TNFRSF19: variants seen among roughly 807,000 people sequenced by gnomAD.
The protein encoded by TNFRSF19 is TNF receptor superfamily member 19, also known as tumor necrosis factor receptor superfamily member 19.
A neutral mutation model predicts 46.4 loss-of-function variants in TNFRSF19; 27 were observed. The observed-to-expected ratio is 0.58, with a 90% CI of 0.43 to 0.80. TNFRSF19 has a LOEUF of 0.80. TNFRSF19 is among the 30% of genes least tolerant of loss of function. The pLI is 0.00. For missense variants in TNFRSF19, 511 were observed against 530.8 expected (o/e 0.96, Z 0.37); for synonymous variants, 204 against 205.0 (o/e 1.00, Z 0.04).
At chr13:23,637,407 TAA>T (rs1321545669) in intron 5 of TNFRSF19, among the ~76,000 whole-genome samples, 6 of 152,256 alleles carry the variant, frequency 3.9e-5, no homozygotes, top group African/African-American at 1.4e-4. Context: ...CTAGTGATTG[TAA>T]AAGAGGCAGT....
chr13:23,627,463 T>C lies in TNFRSF19; in HGVS notation c.445+671T>C, dbSNP rs183928347. On this transcript the variant is annotated intron_variant, in intron 5 of 9. Coordinates refer to ENST00000248484, the MANE Select transcript of TNFRSF19 (RefSeq NM_148957.4). ...TTCAAGTTATCAACCAGCATCAATT[T>C]TGAATAGGAAGAAGAGTGGCCTCTC... is the stretch of plus-strand genomic sequence containing the variant. Among the ~76,000 whole-genome samples, 19 of 152,358 alleles carry C rather than the reference T, an allele frequency of 1.2e-4. No homozygotes were observed. The East Asian group carries it at 3.5e-3, about 28-fold the overall frequency.
chr13:23,589,353 G>A (rs999697573), intron 1 of TNFRSF19, among the ~76,000 whole-genome samples: 1 of 152,156 alleles, frequency 6.6e-6, no homozygotes, highest in Non-Finnish European at 1.5e-5. Flanking sequence ...TTCATCACTC[G>A]TCAATGACTT....
At chr13:23,663,457 G>A (rs1260975682) in intron 7 of TNFRSF19, among the ~76,000 whole-genome samples, 1 of 152,104 alleles carries the variant, frequency 6.6e-6, no homozygotes, top group African/African-American at 2.4e-5. Context: ...TGTTCATCAG[G>A]GATATTGGCC....
At chr13:23,593,539 T>C in intron 3 of TNFRSF19, 84 bp downstream of exon 3, 1 of 932,402 alleles carries the variant, frequency 1.1e-6, no homozygotes, top group Non-Finnish European at 1.7e-6. Context: ...TAATTATTAA[T>C]GAAACTTTGG....
chr13:23,671,592 G>A (rs1390180077), intron 9 of TNFRSF19, among the ~76,000 whole-genome samples: 1 of 151,968 alleles, frequency 6.6e-6, no homozygotes, highest in African/African-American at 2.4e-5. Flanking sequence ...TGGGGGCCTG[G>A]TCCTCCTCTT....
At chr13:23,644,641 C>G (rs760642178) in intron 5 of TNFRSF19, among the ~76,000 whole-genome samples, 4 of 152,204 alleles carry the variant, frequency 2.6e-5, no homozygotes, top group Non-Finnish European at 5.9e-5. Flanking sequence ...AAAACGATAT[C>G]AGGCACTAGC....
intron 1 of TNFRSF19, chr13:23,585,559 A>C (rs1878764147): frequency 6.6e-6 from 1 of 152,238 alleles, no homozygotes; most frequent in South Asian, 2.1e-4. Context: ...ATATTTGCTC[A>C]TATTTTTCAC....
At chr13:23,673,338 T>C in intron 9 of TNFRSF19, 34 bp from the exon 10 acceptor site, 1 of 1,586,536 alleles carries the variant, frequency 6.3e-7, no homozygotes, top group Non-Finnish European at 8.6e-7. Context: ...TGTAAGACAT[T>C]ATTTCTAAAG....
chr13:23,614,746 C>CATACATATATATATATATATATAT (rs773633456), intron 3 of TNFRSF19, among the ~76,000 whole-genome samples: 8 of 134,864 alleles, frequency 5.9e-5, no homozygotes, highest in African/African-American at 2.3e-4. Flanking sequence ...ATAAGTAATA[C>CATACATATATATATATATATATAT]ATATATATAT....
chr13:23,616,739 C>T (rs534931624), intron 4 of TNFRSF19, among the ~76,000 whole-genome samples: 88 of 152,010 alleles, frequency 5.8e-4, no homozygotes, highest in African/African-American at 1.8e-3. Context: ...TGCGCCACCA[C>T]GCCCGGCTAA....
At chr13:23,611,684 A>G (rs1403123426) in intron 3 of TNFRSF19, among the ~76,000 whole-genome samples, 2 of 152,236 alleles carry the variant, frequency 1.3e-5, no homozygotes, top group Non-Finnish European at 2.9e-5. Flanking sequence ...GCAGGAAATA[A>G]TATACCTAGG....
intron 3 of TNFRSF19, among the ~76,000 whole-genome samples, chr13:23,614,425 A>G (rs931669593): frequency 6.6e-6 from 1 of 152,224 alleles, no homozygotes; most frequent in Admixed American, 6.5e-5. Context: ...GATTTCGTAT[A>G]CAAATATGGA....
At chr13:23,599,713 G>A (rs1879996303) in intron 3 of TNFRSF19, among the ~76,000 whole-genome samples, 1 of 152,184 alleles carries the variant, frequency 6.6e-6, no homozygotes, top group Admixed American at 6.5e-5. Flanking sequence ...TGCAGATGAA[G>A]CCTCCAGGTA....
rs1380234217 is a variant in TNFRSF19 at position 23,626,611 on chromosome 13, C to T, written c.360-96C>T. 16 of 1,162,146 alleles carry T rather than the reference C, an allele frequency of 1.4e-5. No individual in the cohort carries two copies. In the Admixed American group the frequency reaches 3.3e-4, roughly 24 times the overall value. 72.0% of individuals were successfully genotyped at this position (1,162,146 alleles called of 1,614,324 possible). On this transcript the variant is annotated intron_variant, in intron 4 of 9. Transcript: ENST00000248484. Reference sequence around the variant, plus strand: ...TATTTAAGCCTCTGTGTACTTTTAACCGTAGAACTGGTAATGGAGACTGCT... The same window carrying T: ...TATTTAAGCCTCTGTGTACTTTTAATCGTAGAACTGGTAATGGAGACTGCT...
intron 1 of TNFRSF19, among the ~76,000 whole-genome samples, chr13:23,588,983 C>T (rs1048272747): frequency 4.6e-5 from 7 of 152,228 alleles, no homozygotes; most frequent in Non-Finnish European, 8.8e-5. Context: ...CCCTGATAGC[C>T]GCTCAGCCTG....
At chr13:23,611,220 C>T (rs931368376) in intron 3 of TNFRSF19, among the ~76,000 whole-genome samples, 1 of 152,046 alleles carries the variant, frequency 6.6e-6, no homozygotes, top group Non-Finnish European at 1.5e-5. Context: ...AAACCCAGAA[C>T]TGGACAGTGG....
In TNFRSF19 at chr13:23,674,277, C is replaced by A. The variant is rs1457586520; in HGVS notation, c.*897C>A. Reference sequence around the variant, plus strand: ...ATAAACATAAATGACCTTTTACTTGCATTGTATCTTATACTAAAGGCTTTA... The same window carrying A: ...ATAAACATAAATGACCTTTTACTTGAATTGTATCTTATACTAAAGGCTTTA... On this transcript the variant is annotated 3_prime_UTR_variant, in exon 10 of 10. Coordinates refer to ENST00000248484, the MANE Select transcript of TNFRSF19 (RefSeq NM_148957.4). 1.3e-5 allele frequency: 2 copies of A among 152,190 alleles called. No individual in the cohort carries two copies. The highest frequency in any genetic ancestry group is 2.9e-5 in the Non-Finnish European group (2 of 68,032). 9.4% of individuals were successfully genotyped at this position (152,190 alleles called of 1,614,324 possible). A position where few individuals can be genotyped will look rare whatever the true frequency, so the allele number is the denominator to read the frequency against.
At chr13:23,667,753 AT>A (rs1951669181) in intron 7 of TNFRSF19, among the ~76,000 whole-genome samples, 1 of 151,384 alleles carries the variant, frequency 6.6e-6, no homozygotes, top group Admixed American at 6.6e-5. Context: ...GCCCCCTAGC[AT>A]CCCCCCTTCT....
intron 1 of TNFRSF19, among the ~76,000 whole-genome samples, chr13:23,574,383 T>A (rs928184097): frequency 1.3e-5 from 2 of 152,326 alleles, no homozygotes; most frequent in South Asian, 4.1e-4. Context: ...TGATTCATTC[T>A]TTTTAAGAAT....
Sources: gnomAD v4.1 joint callset for allele counts (sites outside exome capture counted in the v4.1 genomes callset) on GRCh38, gnomAD v4.1.1 for gene constraint, MANE v1.5 for transcripts, NCBI Gene and HGNC (gene_info 2026-07-23, HGNC 2026-07-21) for gene names.